IL10RB: variants seen among roughly 807,000 people sequenced by gnomAD.
IL10RB encodes the protein interleukin 10 receptor subunit beta, also known as interleukin-10 receptor subunit beta.
A neutral mutation model predicts 38.7 loss-of-function variants in IL10RB; 30 were observed. The ratio of observed to expected loss-of-function variants is 0.78; its 90% CI spans 0.58 to 1.05. IL10RB has a LOEUF of 1.05. IL10RB is among the 50% of genes least tolerant of loss of function. The pLI is 0.00. For missense variants in IL10RB, 328 were observed against 397.1 expected (o/e 0.83, Z 1.48); for synonymous variants, 142 against 145.9 (o/e 0.97, Z 0.19).
At chr21:33,296,046 AAAAAT>A in intron 6 of IL10RB, 133 bp from the exon 7 acceptor site, 2 of 525,250 alleles carry the variant, frequency 3.8e-6, no homozygotes, top group Non-Finnish European at 6.0e-6. Context: ...TCTGTCTCAA[AAAAAT>A]AAAATAAACA....
intron 3 of IL10RB, among the ~76,000 whole-genome samples, chr21:33,279,193 G>A (rs1282537313): frequency 6.6e-6 from 1 of 152,230 alleles, no homozygotes; most frequent in Admixed American, 6.5e-5. Context: ...CTCTGAGGAA[G>A]TAGCATTTGA....
chr21:33,303,572 A>G (rs1017178178), intron 1 of IL10RB, among the ~76,000 whole-genome samples: 1 of 151,998 alleles, frequency 6.6e-6, no homozygotes, highest in Non-Finnish European at 1.5e-5. Flanking sequence ...CCAGGCTGGT[A>G]TCGAACTCCT....
Position 33,279,738 on chromosome 21 carries a change from G to A in IL10RB, c.332-14G>A. The stretch of plus-strand genomic sequence containing the variant: ...GTGATTTTTGATTGTCATTTTGCTT[G>A]TTCTTCTGCTTAGCCATTATTGGAC... On this transcript the variant is annotated splice_polypyrimidine_tract_variant and intron_variant, in intron 3 of 6. Transcript: ENST00000290200. 2.5e-6 allele frequency: 4 copies of A among 1,611,916 alleles called. No homozygotes were observed. Among genetic ancestry groups the A allele is most frequent in the Non-Finnish European group, 3.4e-6 (4 of 1,178,118 alleles).
At chr21:33,268,130 C>CCCTCATA (rs2123560485) in intron 1 of IL10RB, 3 of 996,364 alleles carry the variant, frequency 3.0e-6, no homozygotes, top group Non-Finnish European at 4.2e-6. Flanking sequence ...CCACCCTACC[C>CCCTCATA]CCTCATAGCT....
At chr21:33,298,862 A>G (rs8178579), downstream of IL10RB, among the ~76,000 whole-genome samples, 10,799 of 152,202 alleles carry the variant, frequency 0.071, 1,249 homozygotes, top group African/African-American at 0.24. Flanking sequence ...CTGGAAGCCA[A>G]GTACATCCAA....
chr21:33,270,565 A>G (rs1374979568), intron 2 of IL10RB, among the ~76,000 whole-genome samples: 2 of 149,958 alleles, frequency 1.3e-5, no homozygotes, highest in East Asian at 2.0e-4. Flanking sequence ...TAGTAGAGAC[A>G]CTGTTTCACC....
At position 33,266,498 on chromosome 21, in the gene IL10RB, CT is replaced by C; in HGVS notation, c.34del (p.Cys12AlafsTer18). 1 of 1,542,992 alleles carries C rather than the reference CT, an allele frequency of 6.5e-7. No individual in the cohort carries two copies. The highest frequency in any genetic ancestry group is 8.7e-7 in the Non-Finnish European group (1 of 1,147,404). ...GGAGCCTTGGGAGCTGGCTGGGTGG[CT>C]GCCTGCTGGTGTCAGGTGAGGGGTC... The part of the protein sequence containing the change: ...AWSLGSWLGG[C>X]LLVSALGMVP... On this transcript the variant is annotated frameshift_variant, in exon 1 of 7. Transcript: ENST00000290200. LOFTEE classifies it high-confidence loss of function.
intron 2 of IL10RB, among the ~76,000 whole-genome samples, chr21:33,271,677 G>A (rs1211005266): frequency 6.6e-6 from 1 of 151,356 alleles, no homozygotes; most frequent in African/African-American, 2.4e-5. Flanking sequence ...GCAGCAAGCT[G>A]AGATTGCACC....
chr21:33,271,127 T>C (rs1393452721), intron 2 of IL10RB, among the ~76,000 whole-genome samples: 1 of 152,224 alleles, frequency 6.6e-6, no homozygotes, highest in Admixed American at 6.5e-5. Context: ...AGAGTGAGTA[T>C]GGCATGTGCT....
At chr21:33,282,944 C>T in intron 4 of IL10RB, 150 bp from the exon 5 acceptor site, 2 of 693,740 alleles carry the variant, frequency 2.9e-6, no homozygotes, top group Non-Finnish European at 5.1e-6. Context: ...CCTGAGTGGC[C>T]TCAGGGTCCC....
chr21:33,273,844 T>G (rs565395349), intron 2 of IL10RB, among the ~76,000 whole-genome samples: 3 of 152,254 alleles, frequency 2.0e-5, no homozygotes, highest in Non-Finnish European at 4.4e-5. Context: ...ACTCTTCATC[T>G]GTTCAACTTT....
chr21:33,291,110 C>T (rs1318226594), intron 6 of IL10RB, among the ~76,000 whole-genome samples: 1 of 152,138 alleles, frequency 6.6e-6, no homozygotes, highest in African/African-American at 2.4e-5. Context: ...ATGTGAGTGT[C>T]TGTGTCCACA....
intron 5 of IL10RB, among the ~76,000 whole-genome samples, chr21:33,284,463 C>A (rs573519476): frequency 5.9e-5 from 9 of 152,224 alleles, no homozygotes; most frequent in Non-Finnish European, 1.0e-4. Flanking sequence ...CACACCTATC[C>A]CATTTAAATC....
Position 33,270,576 on chromosome 21 carries a change from G to A in IL10RB, c.173+2059G>A, listed in dbSNP as rs188321708. Reference sequence around the variant, plus strand: ...TTTTTAGTAGAGACACTGTTTCACCGTGTTACCCAGGATGGTCTTGATCTC... The same window carrying A: ...TTTTTAGTAGAGACACTGTTTCACCATGTTACCCAGGATGGTCTTGATCTC... On this transcript the variant is annotated intron_variant, in intron 2 of 6. Coordinates refer to ENST00000290200, the MANE Select transcript of IL10RB (RefSeq NM_000628.5). 6.6e-5 allele frequency among the ~76,000 whole-genome samples: 10 copies of A among 151,366 alleles called. No homozygotes were observed. The East Asian group carries it at 1.2e-3, about 18-fold the overall frequency.
chr21:33,298,810 G>A (rs2123609672), downstream of IL10RB, among the ~76,000 whole-genome samples: 1 of 152,320 alleles, frequency 6.6e-6, no homozygotes, highest in South Asian at 2.1e-4. Flanking sequence ...CTGGAAGCTT[G>A]CACAGGTGAA....
At chr21:33,289,417 CT>C (rs766916045) in intron 6 of IL10RB, among the ~76,000 whole-genome samples, 17 of 135,082 alleles carry the variant, frequency 1.3e-4, no homozygotes, top group Non-Finnish European at 2.2e-4. Flanking sequence ...CAAAGGAATG[CT>C]TGTGGGCTGG....
At chr21:33,281,003 C>T (rs541615255) in intron 4 of IL10RB, among the ~76,000 whole-genome samples, 1 of 152,302 alleles carries the variant, frequency 6.6e-6, no homozygotes, top group South Asian at 2.1e-4. Context: ...GTTCTGCAGG[C>T]TGGGAAGTCC....
chr21:33,268,476 T>A lies in IL10RB; in HGVS notation c.132T>A (p.Ala44=), dbSNP rs1989014876. The A allele has an allele frequency of 1.2e-6, 2 of 1,614,026 alleles. No individual in the cohort carries two copies. The highest frequency in any genetic ancestry group is 2.7e-5 in the African/African-American group (2 of 74,950). The change falls in exon 2 of 7, where the codon GCT becomes GCA. Residue 44 remains alanine (A), a synonymous_variant. Coordinates refer to ENST00000290200, the MANE Select transcript of IL10RB (RefSeq NM_000628.5). ...FKNILQWESP[A]FAKGNLTFTA... is the part of the protein sequence containing the mutation. ...ACATTCTACAGTGGGAGTCACCTGC[T>A]TTTGCCAAAGGGAACCTGACTTTCA... is the stretch of plus-strand genomic sequence containing the variant.
At chr21:33,267,506 T>TTTG (rs1568901673) in intron 1 of IL10RB, among the ~76,000 whole-genome samples, 4 of 83,930 alleles carry the variant, frequency 4.8e-5, no homozygotes, top group South Asian at 3.9e-4. Context: ...TTGTTTGTTT[T>TTTG]TTTGTTTTTT....
Sources: gnomAD v4.1 joint callset for allele counts (sites outside exome capture counted in the v4.1 genomes callset) on GRCh38, gnomAD v4.1.1 for gene constraint, MANE v1.5 for transcripts, NCBI Gene and HGNC (gene_info 2026-07-23, HGNC 2026-07-21) for gene names.